MAPK14: variants seen among roughly 807,000 people sequenced by gnomAD.
MAPK14 encodes the protein mitogen-activated protein kinase 14.
In MAPK14, 16 loss-of-function variants were observed where a neutral mutation model predicts 49.6. That is an observed-to-expected ratio of 0.32 (90% CI 0.22 to 0.49). MAPK14 has a LOEUF of 0.49. MAPK14 is among the 20% of genes least tolerant of loss of function. The pLI, the probability that MAPK14 is intolerant of heterozygous loss-of-function variation, is 0.99. For synonymous variants in MAPK14, 142 were observed against 158.0 expected, an observed-to-expected ratio of 0.90 and a Z score of 0.76; for missense variants, 200 against 441.2, an observed-to-expected ratio of 0.45 and a Z score of 4.90.
chr6:36,078,288 C>G (rs533426065), intron 8 of MAPK14, among the ~76,000 whole-genome samples: 4 of 152,294 alleles, frequency 2.6e-5, no homozygotes, highest in African/African-American at 9.6e-5. Flanking sequence ...AGTACTGAGA[C>G]GAGCCTGCCA....
At chr6:36,096,104 G>A in intron 9 of MAPK14, 38 bp downstream of exon 9, 2 of 1,438,198 alleles carry the variant, frequency 1.4e-6, no homozygotes, top group Non-Finnish European at 2.0e-6. Context: ...CCTGTTGGGA[G>A]CCTCTGCCAC....
At chr6:36,044,645 T>C (rs1397431437) in intron 1 of MAPK14, among the ~76,000 whole-genome samples, 4 of 150,364 alleles carry the variant, frequency 2.7e-5, no homozygotes, top group Non-Finnish European at 5.9e-5. Flanking sequence ...GAGGCTGAGG[T>C]GGGAGGATCG....
the MAPK14 span, among the ~76,000 whole-genome samples, chr6:36,118,044 T>A: frequency 3.9e-5 from 6 of 152,250 alleles, no homozygotes; most frequent in Non-Finnish European, 8.8e-5. Flanking sequence ...TAAGAAGAGA[T>A]ACGTGTTAGA....
chr6:36,051,783 T>C (rs1352389244), intron 1 of MAPK14, among the ~76,000 whole-genome samples: 1 of 152,204 alleles, frequency 6.6e-6, no homozygotes, highest in African/African-American at 2.4e-5. Context: ...ACTTATTTCA[T>C]AGGGGATTCG....
chr6:36,105,771 A>C (rs981254372), intron 10 of MAPK14, among the ~76,000 whole-genome samples: 1 of 152,182 alleles, frequency 6.6e-6, no homozygotes, highest in Non-Finnish European at 1.5e-5. Context: ...CTCTATAGGA[A>C]GCTGTCCTCT....
intron 1 of MAPK14, among the ~76,000 whole-genome samples, chr6:36,038,101 G>A (rs1762821216): frequency 6.6e-6 from 1 of 152,100 alleles, no homozygotes; most frequent in Admixed American, 6.5e-5. Context: ...TAAGTGCTGT[G>A]GAGAAAATGC....
chr6:36,114,617 TAAAA>T (rs376202964), downstream of MAPK14, among the ~76,000 whole-genome samples: 2 of 132,316 alleles, frequency 1.5e-5, no homozygotes, highest in African/African-American at 5.6e-5. Context: ...GAACTCTGTT[TAAAA>T]AAAAAAAAAA....
intron 8 of MAPK14, among the ~76,000 whole-genome samples, chr6:36,090,463 C>A (rs1765176438): frequency 6.6e-6 from 1 of 151,642 alleles, no homozygotes; most frequent in Admixed American, 6.6e-5. Context: ...CCCGCCTTGG[C>A]CTACCAAAAT....
the MAPK14 span, among the ~76,000 whole-genome samples, chr6:36,122,836 C>T: frequency 1.9e-3 from 286 of 152,302 alleles, 3 homozygotes; most frequent in South Asian, 8.9e-3. Flanking sequence ...GAAGCTCCAC[C>T]TGTAGCTACA....
At chr6:36,080,930 A>G (rs960667507) in intron 8 of MAPK14, among the ~76,000 whole-genome samples, 7 of 151,818 alleles carry the variant, frequency 4.6e-5, no homozygotes, top group African/African-American at 1.5e-4. Flanking sequence ...CTCATGACTA[A>G]TGATTTTGAG....
At chr6:36,105,468 C>CT (rs1423574067) in intron 10 of MAPK14, among the ~76,000 whole-genome samples, 3 of 152,158 alleles carry the variant, frequency 2.0e-5, no homozygotes, top group African/African-American at 7.2e-5. Context: ...GAACATGGTC[C>CT]TTTTTACCCT....
At chr6:36,072,783 A>C in intron 3 of MAPK14, 90 bp from the exon 4 acceptor site, 1 of 741,478 alleles carries the variant, frequency 1.3e-6, no homozygotes, top group South Asian at 2.0e-5. Flanking sequence ...AACAAAAACC[A>C]AAAAAACCAA....
chr6:36,038,807 T>A (rs1456129333), intron 1 of MAPK14, among the ~76,000 whole-genome samples: 1 of 152,222 alleles, frequency 6.6e-6, no homozygotes, highest in Non-Finnish European at 1.5e-5. Context: ...GAGCAGAGAT[T>A]AGCTCTTGAG....
At chr6:36,041,591 G>C (rs190669921) in intron 1 of MAPK14, among the ~76,000 whole-genome samples, 87 of 152,116 alleles carry the variant, frequency 5.7e-4, no homozygotes, top group Non-Finnish European at 1.2e-3. Context: ...CGTTGGAATG[G>C]GATTCATGTT....
intron 2 of MAPK14, among the ~76,000 whole-genome samples, chr6:36,057,370 G>C (rs1478180861): frequency 6.6e-6 from 1 of 152,166 alleles, no homozygotes; most frequent in East Asian, 1.9e-4. Context: ...GTTAATGATA[G>C]TTATAATGGG....
intron 2 of MAPK14, among the ~76,000 whole-genome samples, chr6:36,056,554 T>C (rs940868328): frequency 6.6e-6 from 1 of 152,242 alleles, no homozygotes; most frequent in Non-Finnish European, 1.5e-5. Context: ...GGGTTCAAAC[T>C]TACAGCTGCT....
At chr6:36,049,620 G>A (rs1763317134) in intron 1 of MAPK14, among the ~76,000 whole-genome samples, 1 of 152,172 alleles carries the variant, frequency 6.6e-6, no homozygotes, top group Non-Finnish European at 1.5e-5. Context: ...TGGTGTAGGT[G>A]ACTTTTTTGG....
At chr6:36,065,353 A>G (rs886897075) in intron 3 of MAPK14, among the ~76,000 whole-genome samples, 6 of 152,238 alleles carry the variant, frequency 3.9e-5, no homozygotes, top group Admixed American at 6.5e-5. Flanking sequence ...AGGACTGCAT[A>G]GTATGGCCAC....
At chr6:36,121,317 A>T in the MAPK14 span, among the ~76,000 whole-genome samples, 1 of 152,134 alleles carries the variant, frequency 6.6e-6, no homozygotes. Context: ...GTGGGGCGTT[A>T]TGGGGAGGCA....
Sources: allele counts gnomAD v4.1 joint callset (sites outside exome capture counted in the v4.1 genomes callset), GRCh38; gene constraint gnomAD v4.1.1; transcripts MANE v1.5; gene names NCBI Gene and HGNC (gene_info 2026-07-23, HGNC 2026-07-21).